ACTN1: variants seen among roughly 807,000 people sequenced by gnomAD.
The protein encoded by ACTN1 is alpha-actinin-1.
A neutral mutation model predicts 119.6 loss-of-function variants in ACTN1; 30 were observed. The ratio of observed to expected loss-of-function variants is 0.25; its 90% CI spans 0.19 to 0.34. The LOEUF is 0.34. ACTN1 is among the 10% of genes least tolerant of loss of function. The probability of loss-of-function intolerance (pLI) is 1.00; values close to 1 mark genes in which losing one functional copy is unlikely to be tolerated. For missense variants in ACTN1, 764 were observed against 1,223.4 expected, an observed-to-expected ratio of 0.62 and a Z score of 5.60; for synonymous variants, 429 against 472.6, an observed-to-expected ratio of 0.91 and a Z score of 1.20.
intron 21 of ACTN1, among the ~76,000 whole-genome samples, chr14:68,876,736 G>A (rs889782475): frequency 1.3e-5 from 2 of 152,178 alleles, no homozygotes; most frequent in African/African-American, 4.8e-5. Context: ...TGCGCGGGAT[G>A]AGACCAAGGG....
chr14:68,922,403 T>G (rs1033310828), intron 2 of ACTN1, among the ~76,000 whole-genome samples: 1 of 152,222 alleles, frequency 6.6e-6, no homozygotes, highest in Non-Finnish European at 1.5e-5. Context: ...GACTTTCCAC[T>G]TGGGGCCCTC....
At position 68,874,589 on chromosome 14, in the gene ACTN1, CTTT is replaced by C. The variant is rs757804466; in HGVS notation, c.*267_*269del. 4 of 322,684 alleles carry C rather than the reference CTTT, an allele frequency of 1.2e-5. No individual in the cohort carries two copies. The East Asian group carries it at 2.0e-4, about 16-fold the overall frequency. 20.0% of individuals were successfully genotyped at this position (322,684 alleles called of 1,614,324 possible). A position where few individuals can be genotyped will look rare whatever the true frequency, so the allele number is the denominator to read the frequency against. ...TCGGTGCAAATAGTTAATCTTTCCT[CTTT>C]TTTTCCATTTGTCTGGTGGAGAAAA... On this transcript the variant is annotated 3_prime_UTR_variant, in exon 22 of 22. Transcript: ENST00000394419.
chr14:68,934,725 G>A (rs577491993), intron 1 of ACTN1, among the ~76,000 whole-genome samples: 1 of 152,304 alleles, frequency 6.6e-6, no homozygotes, highest in East Asian at 1.9e-4. Context: ...TAAGGTATTA[G>A]GTTAAGTATA....
Position 68,923,757 on chromosome 14 carries a change from A to G in ACTN1, c.220+1801T>C, listed in dbSNP as rs535474762. ...ACCTAGCAGTTCCACTTTGGGGAAT[A>G]TACAAAAAAAGAACTGAAAGAGGGA... On this transcript the variant is annotated intron_variant, in intron 2 of 21. Transcript: ENST00000394419. Among the ~76,000 whole-genome samples the G allele has an allele frequency of 4.6e-5, 7 of 152,382 alleles. No individual in the cohort carries two copies. The East Asian group carries it at 1.3e-3, about 29-fold the overall frequency.
chr14:68,914,971 G>A (rs2034205457), intron 3 of ACTN1, among the ~76,000 whole-genome samples: 1 of 152,170 alleles, frequency 6.6e-6, no homozygotes, highest in Non-Finnish European at 1.5e-5. Context: ...CTTTTTGGCA[G>A]TATAATTTTA....
chr14:68,919,529 T>C (rs899302344), intron 3 of ACTN1, among the ~76,000 whole-genome samples: 1 of 152,268 alleles, frequency 6.6e-6, no homozygotes, highest in Non-Finnish European at 1.5e-5. Context: ...TACTGCTATA[T>C]GTAAATCCTT....
intron 1 of ACTN1, chr14:68,977,684 A>G: frequency 3.3e-6 from 1 of 304,572 alleles, no homozygotes; most frequent in Non-Finnish European, 6.4e-6. Context: ...AGTCGGCTCT[A>G]TAAACTACCC....
intron 1 of ACTN1, among the ~76,000 whole-genome samples, chr14:68,951,149 C>G (rs1055963458): frequency 2.0e-5 from 3 of 152,206 alleles, no homozygotes; most frequent in African/African-American, 7.2e-5. Context: ...CACCCATGGC[C>G]AGAGGCAACG....
chr14:68,875,565 G>A (rs2030800967), intron 21 of ACTN1, among the ~76,000 whole-genome samples: 2 of 152,250 alleles, frequency 1.3e-5, no homozygotes, highest in Admixed American at 1.3e-4. Context: ...GCTCCAGCCT[G>A]GGTATCTACC....
rs1441721179 is a variant in ACTN1, at chr14:68,921,136, C to A, written c.221-11G>T. The A allele has an allele frequency of 6.2e-7, 1 of 1,613,548 alleles. No homozygotes were observed. Among genetic ancestry groups the A allele is most frequent in the Admixed American group, 1.7e-5 (1 of 59,946 alleles). Reference sequence around the variant, plus strand: ...TGGCCAAGCGTTCACCTGTTTGGATCAAGAGGGAGGAAGAGGAAGGTGAGA... The same window carrying A: ...TGGCCAAGCGTTCACCTGTTTGGATAAAGAGGGAGGAAGAGGAAGGTGAGA... On this transcript the variant is annotated splice_polypyrimidine_tract_variant and intron_variant, in intron 2 of 21. Coordinates refer to ENST00000394419, the MANE Select transcript of ACTN1 (RefSeq NM_001130004.2).
At chr14:68,883,811 G>T (rs12431732) in intron 14 of ACTN1, among the ~76,000 whole-genome samples, 7,446 of 152,032 alleles carry the variant, frequency 0.049, 377 homozygotes, top group Admixed American at 0.15. Context: ...TCAAGGTTCA[G>T]AATATGGTAT....
intron 1 of ACTN1, among the ~76,000 whole-genome samples, chr14:68,953,216 G>C (rs1449521529): frequency 6.6e-6 from 1 of 152,104 alleles, no homozygotes; most frequent in African/African-American, 2.4e-5. Flanking sequence ...ATCCCTCTTA[G>C]GCAAACTCAA....
At position 68,909,779 on chromosome 14, in the gene ACTN1, G is replaced by A. The variant is rs535731994; in HGVS notation, c.515+176C>T. 1.3e-5 allele frequency among the ~76,000 whole-genome samples: 2 copies of A among 152,158 alleles called. No individual in the cohort carries two copies. Among genetic ancestry groups the A allele is most frequent in the African/African-American group, 2.4e-5 (1 of 41,444 alleles). On this transcript the variant is annotated intron_variant, in intron 5 of 21. Coordinates refer to ENST00000394419, the MANE Select transcript of ACTN1 (RefSeq NM_001130004.2). This position sits in a 1 kb window ranked among gnomAD's most constrained non-coding sequence, Gnocchi z 4.1. ...GCAGCCCCATCTAAGACACTGCAGG[G>A]AGAGAGACGGGGGGATTCAGAGCGA...
intron 1 of ACTN1, among the ~76,000 whole-genome samples, chr14:68,945,175 A>G (rs2035900280): frequency 6.7e-6 from 1 of 148,302 alleles, no homozygotes; most frequent in African/African-American, 2.6e-5. Flanking sequence ...AAAAAAAAAA[A>G]AAGAAAGAAA....
At chr14:68,971,684 T>C (rs1384330240) in intron 1 of ACTN1, among the ~76,000 whole-genome samples, 1 of 152,214 alleles carries the variant, frequency 6.6e-6, no homozygotes, top group Non-Finnish European at 1.5e-5. Context: ...ATACACTCCA[T>C]GTGCAAGAAG....
intron 1 of ACTN1, among the ~76,000 whole-genome samples, chr14:68,949,760 T>A (rs959041813): frequency 6.6e-6 from 1 of 152,194 alleles, no homozygotes; most frequent in African/African-American, 2.4e-5. Context: ...TACAATGGAC[T>A]ATGATTCAGC....
intron 3 of ACTN1, among the ~76,000 whole-genome samples, chr14:68,912,930 T>C (rs771593817): frequency 7.2e-5 from 11 of 152,124 alleles, no homozygotes; most frequent in Non-Finnish European, 1.5e-4. Context: ...GCTCTCAAAA[T>C]AGCCACCCAC....
At position 68,911,108 on chromosome 14, in the gene ACTN1, A is replaced by G. The variant is rs535315713; in HGVS notation, c.427+1048T>C. On this transcript the variant is annotated intron_variant, in intron 4 of 21. Coordinates refer to ENST00000394419, the MANE Select transcript of ACTN1 (RefSeq NM_001130004.2). ...ATGAATGATCTCATTTATTTTCAACACACAAAATGGACTTTAAAATGACAT... is the reference window on the plus strand; with the variant it reads ...ATGAATGATCTCATTTATTTTCAACGCACAAAATGGACTTTAAAATGACAT... 3.9e-5 allele frequency among the ~76,000 whole-genome samples: 6 copies of G among 152,350 alleles called. No individual in the cohort carries two copies. The East Asian group carries it at 1.2e-3, about 29-fold the overall frequency.
At chr14:68,888,026 C>A (rs2032166985) in intron 11 of ACTN1, 4 of 738,580 alleles carry the variant, frequency 5.4e-6, no homozygotes, top group Non-Finnish European at 7.6e-6. Context: ...CCGCGCCGAT[C>A]TCCTCTTGGG....
Sources: gnomAD v4.1 joint callset for allele counts (sites outside exome capture counted in the v4.1 genomes callset) on GRCh38, gnomAD v4.1.1 for gene constraint, Gnocchi (gnomAD v3.1) non-coding constraint, MANE v1.5 for transcripts, NCBI Gene and HGNC (gene_info 2026-07-23, HGNC 2026-07-21) for gene names.